The following CSMD3 variants were observed in gnomAD, a reference collection of about 807,000 sequenced individuals.
CSMD3 encodes CUB and Sushi multiple domains 3.
In CSMD3, 177 loss-of-function variants were observed where a neutral mutation model predicts 435.2. The observed-to-expected ratio is 0.41, with a 90% CI of 0.36 to 0.46. The LOEUF (loss-of-function observed/expected upper bound fraction) is 0.46. Ranked by LOEUF, CSMD3 falls within the 20% of genes least tolerant of loss-of-function variation. CSMD3 has a pLI of 0.34. For missense variants in CSMD3, 4,265 were observed against 4,504.6 expected, an observed-to-expected ratio of 0.95 and a Z score of 1.52; for synonymous variants, 1,656 against 1,520.5, an observed-to-expected ratio of 1.09 and a Z score of -2.07.
At chr8:112,297,980 T>G (rs1209642475) in intron 53 of CSMD3, among the ~76,000 whole-genome samples, 1 of 150,854 alleles carries the variant, frequency 6.6e-6, no homozygotes, top group African/African-American at 2.4e-5. Context: ...ACAATTTTAC[T>G]TTTTACTTAC....
At position 113,114,639 on chromosome 8, in the gene CSMD3, A is replaced by C. The variant is rs7001579; in HGVS notation, c.710-15676T>G. Among the ~76,000 whole-genome samples, 711 of 152,264 alleles carry C rather than the reference A, an allele frequency of 4.7e-3. 5 individuals are homozygous for C. The highest frequency in any genetic ancestry group is 0.015 in the African/African-American group (621 of 41,556). ...TTTATTCTTATCATGCATTAGCATC[A>C]CCTGGAGGACTTTTAAAAAGCATCC... On this transcript the variant is annotated intron_variant, in intron 4 of 70. Coordinates refer to ENST00000297405, the MANE Select transcript of CSMD3 (RefSeq NM_198123.2).
chr8:112,369,963 G>A (rs1828171910), intron 38 of CSMD3, among the ~76,000 whole-genome samples: 1 of 139,544 alleles, frequency 7.2e-6, no homozygotes, highest in African/African-American at 2.6e-5. Context: ...AGGAGGAGGA[G>A]GAAGAAGAAG....
At chr8:112,975,590 G>C (rs1205627743) in intron 7 of CSMD3, among the ~76,000 whole-genome samples, 1 of 151,932 alleles carries the variant, frequency 6.6e-6, no homozygotes, top group Non-Finnish European at 1.5e-5. Flanking sequence ...AATGATTTCT[G>C]TTCTACTTTT....
intron 7 of CSMD3, among the ~76,000 whole-genome samples, chr8:112,963,677 G>A (rs1015615708): frequency 9.9e-5 from 15 of 151,862 alleles, no homozygotes; most frequent in African/African-American, 3.6e-4. Context: ...ATTTAAATGC[G>A]TTGGCTGTAT....
intron 16 of CSMD3, among the ~76,000 whole-genome samples, chr8:112,676,099 C>T (rs764434203): frequency 1.8e-4 from 27 of 151,992 alleles, no homozygotes; most frequent in Non-Finnish European, 3.4e-4. Context: ...TTTAGAGTGA[C>T]GTGGGGAGAC....
chr8:113,082,171 C>T (rs116934232), intron 5 of CSMD3, among the ~76,000 whole-genome samples: 2,864 of 101,696 alleles, frequency 0.028, 31 homozygotes, highest in Middle Eastern at 0.05. Context: ...GCATGCCAAA[C>T]CCACCCTCTT....
intron 13 of CSMD3, among the ~76,000 whole-genome samples, chr8:112,702,517 A>C (rs59975810): frequency 1.3e-5 from 2 of 151,872 alleles, no homozygotes; most frequent in South Asian, 4.1e-4. Context: ...TGAGTGCTGG[A>C]TATCTTCTGT....
At chr8:113,352,330 C>T (rs2094195518) in intron 1 of CSMD3, among the ~76,000 whole-genome samples, 1 of 152,014 alleles carries the variant, frequency 6.6e-6, no homozygotes, top group Non-Finnish European at 1.5e-5. Flanking sequence ...AGGGTAGAGA[C>T]TGGTATTATT....
rs2074735831 is a variant in CSMD3, at chr8:112,638,775, G to A, written c.3447C>T (p.Leu1149=). 6.2e-7 allele frequency: 1 copy of A among 1,612,388 alleles called. No homozygotes were observed. The highest frequency in any genetic ancestry group is 1.7e-4 in the Middle Eastern group (1 of 6,056). The change falls in exon 21 of 71, where the codon CTC becomes CTT. Residue 1149 remains leucine, a synonymous_variant. Transcript: ENST00000297405. ...SDLPPTINAG[L]YGNFRAQLRF... ...GCAATTGAGCCCTGAAATTTCCATA[G>A]AGACCAGCATTGATTGTTGGAGGAA...
intron 22 of CSMD3, among the ~76,000 whole-genome samples, chr8:112,635,156 C>T (rs2074622044): frequency 6.6e-6 from 1 of 152,032 alleles, no homozygotes; most frequent in Non-Finnish European, 1.5e-5. Context: ...GCAGATTATA[C>T]TCAAAACAAT....
intron 35 of CSMD3, among the ~76,000 whole-genome samples, chr8:112,404,123 A>G (rs1030743928): frequency 9.8e-5 from 15 of 152,306 alleles, no homozygotes; most frequent in African/African-American, 3.4e-4. Flanking sequence ...CATCCTTCCT[A>G]GTTATTTGTG....
At chr8:113,364,547 T>C (rs982915883) in intron 1 of CSMD3, among the ~76,000 whole-genome samples, 1 of 152,028 alleles carries the variant, frequency 6.6e-6, no homozygotes, top group African/African-American at 2.4e-5. Flanking sequence ...TGGACATATA[T>C]AAAAGGATTA....
rs191677553 is a variant in CSMD3, at chr8:112,567,434, T to C, written c.4042+6067A>G. ...GCCCCACTAAAAAGTTAGTTTGTTATGGGCAGGAACTTTCTCTTATTAATT... is the reference window on the plus strand; with the variant it reads ...GCCCCACTAAAAAGTTAGTTTGTTACGGGCAGGAACTTTCTCTTATTAATT... On this transcript the variant is annotated intron_variant, in intron 24 of 70. Transcript: ENST00000297405. Among the ~76,000 whole-genome samples the C allele has an allele frequency of 1.8e-3, 273 of 152,312 alleles. 2 individuals are homozygous for C. The South Asian group carries it at 0.02, about 11-fold the overall frequency.
At chr8:112,702,710 G>A (rs2076414812) in intron 13 of CSMD3, among the ~76,000 whole-genome samples, 1 of 152,054 alleles carries the variant, frequency 6.6e-6, no homozygotes, top group Non-Finnish European at 1.5e-5. Context: ...TGGTAGGAGA[G>A]TAGGGTGAGG....
chr8:113,170,152 C>T (rs1450722876), intron 4 of CSMD3, among the ~76,000 whole-genome samples: 1 of 152,070 alleles, frequency 6.6e-6, no homozygotes, highest in Admixed American at 6.6e-5. Context: ...GTCATCAGCC[C>T]CCTGCAAAGT....
At chr8:112,864,638 A>T (rs968112080) in intron 10 of CSMD3, among the ~76,000 whole-genome samples, 1 of 152,116 alleles carries the variant, frequency 6.6e-6, no homozygotes, top group Admixed American at 6.6e-5. Context: ...ATATAATTTT[A>T]AAAAATATAT....
chr8:113,357,292 G>A (rs916742058), intron 1 of CSMD3, among the ~76,000 whole-genome samples: 1 of 152,138 alleles, frequency 6.6e-6, no homozygotes, highest in Non-Finnish European at 1.5e-5. Flanking sequence ...CTCGTTTCCA[G>A]ATGGAGAAAC....
Position 112,929,833 on chromosome 8 carries a change from T to A in CSMD3, c.1509-8082A>T, listed in dbSNP as rs1587696832. Among the ~76,000 whole-genome samples the A allele has an allele frequency of 2.0e-5, 3 of 152,088 alleles. No individual in the cohort carries two copies. The South Asian group carries it at 6.2e-4, about 31-fold the overall frequency. On this transcript the variant is annotated intron_variant, in intron 9 of 70. Coordinates refer to ENST00000297405, the MANE Select transcript of CSMD3 (RefSeq NM_198123.2). ...CATACACTTAAGTGGCAAAATATAA[T>A]CTAATTAAAAGCTTAAATAATTTTT... is the stretch of plus-strand genomic sequence containing the variant.
intron 27 of CSMD3, among the ~76,000 whole-genome samples, chr8:112,519,107 A>G (rs1317333292): frequency 1.3e-5 from 2 of 152,104 alleles, no homozygotes; most frequent in Non-Finnish European, 2.9e-5. Flanking sequence ...TTACAATTAG[A>G]GATGAGATTT....
Sources: allele counts gnomAD v4.1 joint callset (sites outside exome capture counted in the v4.1 genomes callset), GRCh38; gene constraint gnomAD v4.1.1; transcripts MANE v1.5; gene names NCBI Gene and HGNC (gene_info 2026-07-23, HGNC 2026-07-21).